ALG6: variants seen among roughly 807,000 people sequenced by gnomAD.
ALG6 encodes dolichyl pyrophosphate Man9GlcNAc2 alpha-1,3-glucosyltransferase.
ALG6 carries 46 observed loss-of-function variants against 66.6 expected under a neutral mutation model. The ratio of observed to expected loss-of-function variants is 0.69; its 90% CI spans 0.55 to 0.88. The LOEUF (loss-of-function observed/expected upper bound fraction) is 0.88. ALG6 is among the 40% of genes least tolerant of loss of function. The pLI, the probability that ALG6 is intolerant of heterozygous loss-of-function variation, is 0.00. For synonymous variants in ALG6, 185 were observed against 203.7 expected (o/e 0.91, Z 0.78); for missense variants, 505 against 586.8 (o/e 0.86, Z 1.44).
At chr1:63,414,473 C>A (rs1644532272) in intron 10 of ALG6, among the ~76,000 whole-genome samples, 1 of 152,122 alleles carries the variant, frequency 6.6e-6, no homozygotes, top group African/African-American at 2.4e-5. Context: ...TGGTCTCGAA[C>A]TCCTGACCTC....
chr1:63,430,754 G>T (rs969557184), intron 14 of ALG6, among the ~76,000 whole-genome samples: 2 of 152,208 alleles, frequency 1.3e-5, no homozygotes, highest in African/African-American at 2.4e-5. Flanking sequence ...TTTTTGAGTT[G>T]TAAGAGTTTT....
rs140269970 is a variant in ALG6 at position 63,389,078 on chromosome 1, C to G, written c.83-7435C>G. On this transcript the variant is annotated intron_variant, in intron 2 of 14. Transcript: ENST00000263440. Reference sequence around the variant, plus strand: ...ATTTGCATTAAATCTGCTTGGTGTTCTATAACCTTCTTGTACTTGAATATT... The same window carrying G: ...ATTTGCATTAAATCTGCTTGGTGTTGTATAACCTTCTTGTACTTGAATATT... 7.4e-3 allele frequency among the ~76,000 whole-genome samples: 1,129 copies of G among 152,168 alleles called. 11 individuals are homozygous for G. The highest frequency in any genetic ancestry group is 0.024 in the African/African-American group (1,017 of 41,526).
At chr1:63,424,999 C>G (rs767787460) in intron 12 of ALG6, among the ~76,000 whole-genome samples, 1 of 151,848 alleles carries the variant, frequency 6.6e-6, no homozygotes, top group Admixed American at 6.6e-5. Flanking sequence ...AGGCTGGTCT[C>G]GAACTCCTGA....
At chr1:63,393,286 TAAAA>T (rs1648725021) in intron 2 of ALG6, among the ~76,000 whole-genome samples, 2 of 152,232 alleles carry the variant, frequency 1.3e-5, no homozygotes, top group Admixed American at 6.5e-5. Flanking sequence ...ATTCTTTTCT[TAAAA>T]AAATTTTTAT....
intron 12 of ALG6, among the ~76,000 whole-genome samples, chr1:63,422,066 TATAA>T (rs1644576768): frequency 1.4e-5 from 2 of 138,074 alleles, no homozygotes; most frequent in East Asian, 2.0e-4. Context: ...TATCTATTTA[TATAA>T]ATATCTATAT....
intron 7 of ALG6, among the ~76,000 whole-genome samples, chr1:63,409,137 A>G (rs1644504497): frequency 6.6e-6 from 1 of 152,268 alleles, no homozygotes; most frequent in Non-Finnish European, 1.5e-5. Flanking sequence ...TGTGGATAAT[A>G]GAAACCCTGA....
At chr1:63,398,364 G>C (rs1267934333) in intron 3 of ALG6, among the ~76,000 whole-genome samples, 1 of 152,194 alleles carries the variant, frequency 6.6e-6, no homozygotes, top group East Asian at 1.9e-4. Context: ...GTAACACCAG[G>C]ATATCTCATT....
chr1:63,400,206 A>AAATAT (rs1412046755), intron 3 of ALG6, among the ~76,000 whole-genome samples: 1 of 36,428 alleles, frequency 2.7e-5, no homozygotes, highest in Non-Finnish European at 4.1e-5. Flanking sequence ...AAAAAAAAAA[A>AAATAT]ATATATATAT....
intron 2 of ALG6, among the ~76,000 whole-genome samples, chr1:63,381,816 A>C (rs1249624045): frequency 1.3e-5 from 2 of 152,144 alleles, no homozygotes; most frequent in Non-Finnish European, 2.9e-5. Context: ...TTCTGCTGAG[A>C]TATTGTTCCT....
In ALG6 at chr1:63,400,250, T is replaced by C. The variant is rs1410883323; in HGVS notation, c.168-2004T>C. Among the ~76,000 whole-genome samples the C allele has an allele frequency of 2.0e-3, 11 of 5,426 alleles. No individual in the cohort carries two copies. The South Asian group carries it at 0.06, about 30-fold the overall frequency. The allele number at this position is 5,426 out of a possible 152,430, so 3.6% of individuals were successfully genotyped here. A position where few individuals can be genotyped will look rare whatever the true frequency, so the allele number is the denominator to read the frequency against. ...ATATATATATATATATATACGTATATATATGTATATATATATACGTATATA... is the reference window on the plus strand; with the variant it reads ...ATATATATATATATATATACGTATACATATGTATATATATATACGTATATA... On this transcript the variant is annotated intron_variant, in intron 3 of 14. Coordinates refer to ENST00000263440, the MANE Select transcript of ALG6 (RefSeq NM_013339.4).
chr1:63,403,250 A>G (rs2100414093), intron 4 of ALG6, among the ~76,000 whole-genome samples: 1 of 152,222 alleles, frequency 6.6e-6, no homozygotes, highest in East Asian at 1.9e-4. Context: ...TATATCTAAT[A>G]TGTGTTGTGT....
chr1:63,375,645 C>T (rs1472159265), intron 2 of ALG6, among the ~76,000 whole-genome samples: 1 of 151,988 alleles, frequency 6.6e-6, no homozygotes, highest in Non-Finnish European at 1.5e-5. Flanking sequence ...GGAGTATTCT[C>T]TCTTTTTGTA....
chr1:63,378,876 T>TTA (rs1648216674), intron 2 of ALG6, among the ~76,000 whole-genome samples: 1 of 151,674 alleles, frequency 6.6e-6, no homozygotes, highest in African/African-American at 2.4e-5. Context: ...TTTTTTTTTT[T>TTA]AACTCCCCAT....
At chr1:63,434,491 A>G (rs1429434507) in intron 14 of ALG6, among the ~76,000 whole-genome samples, 3 of 152,238 alleles carry the variant, frequency 2.0e-5, no homozygotes, top group African/African-American at 7.2e-5. Context: ...AGAGATATTA[A>G]GAAGTACCTG....
intron 14 of ALG6, 122 bp from the exon 15 acceptor site, chr1:63,436,701 G>A (rs1344124523): frequency 1.4e-5 from 13 of 948,452 alleles, no homozygotes; most frequent in Non-Finnish European, 2.2e-5. Context: ...AGATACACCA[G>A]AATAAATTAG....
chr1:63,376,038 A>G (rs1648113318), intron 2 of ALG6, among the ~76,000 whole-genome samples: 1 of 152,148 alleles, frequency 6.6e-6, no homozygotes, highest in Admixed American at 6.5e-5. Context: ...TAGTACAGTC[A>G]TGCATTGTTT....
intron 11 of ALG6, among the ~76,000 whole-genome samples, chr1:63,417,179 T>C (rs1644549855): frequency 1.3e-5 from 2 of 152,208 alleles, no homozygotes; most frequent in Admixed American, 6.5e-5. Context: ...TATGGTGTAA[T>C]GCTCTGATGT....
intron 2 of ALG6, among the ~76,000 whole-genome samples, chr1:63,394,817 G>A (rs1648770895): frequency 6.6e-6 from 1 of 151,872 alleles, no homozygotes; most frequent in South Asian, 2.1e-4. Flanking sequence ...AATGGCCATT[G>A]CCTTTGTTTT....
chr1:63,437,004 A>G lies in ALG6; in HGVS notation c.1508A>G (p.Gln503Arg), dbSNP rs1056967570. Residue 503 changes from glutamine to arginine, a missense_variant, in exon 15 of 15, where the codon CAG (glutamine) becomes CGG (arginine). Coordinates refer to ENST00000263440, the MANE Select transcript of ALG6 (RefSeq NM_013339.4). Reference sequence around the variant, plus strand: ...TGGGATTCCAAAAGTGGAAGAAATCAGAAGAAAATCAGCTAGCTGTATTCC... The same window carrying G: ...TGGGATTCCAAAAGTGGAAGAAATCGGAAGAAAATCAGCTAGCTGTATTCC... ...IMWDSKSGRN[Q>R]KKIS The G allele has an allele frequency of 2.5e-6, 4 of 1,613,000 alleles. No individual in the cohort carries two copies. The African/African-American group carries it at 5.3e-5, about 22-fold the overall frequency.
Sources: allele counts gnomAD v4.1 joint callset (sites outside exome capture counted in the v4.1 genomes callset), GRCh38; gene constraint gnomAD v4.1.1; transcripts MANE v1.5; gene names NCBI Gene and HGNC (gene_info 2026-07-23, HGNC 2026-07-21).